The following RELN variants were observed in gnomAD, a reference collection of about 807,000 sequenced individuals.
The protein encoded by RELN is reelin.
Under a neutral mutation model 427.6 loss-of-function variants are expected in RELN, and 108 were observed. The observed-to-expected ratio is 0.25, with a 90% CI of 0.22 to 0.30. The LOEUF is 0.30. Among genes scored for constraint, RELN ranks in the 10% least tolerant of loss-of-function variants. RELN has a pLI of 1.00. For missense variants in RELN, 3,715 were observed against 4,302.8 expected, an observed-to-expected ratio of 0.86 and a Z score of 3.82; for synonymous variants, 1,524 against 1,513.4, an observed-to-expected ratio of 1.01 and a Z score of -0.16.
chr7:103,576,575 G>A (rs1831007522), intron 28 of RELN, among the ~76,000 whole-genome samples: 1 of 152,164 alleles, frequency 6.6e-6, no homozygotes, highest in East Asian at 1.9e-4. Context: ...ATGGATATCT[G>A]CAGAAGAGGC....
At chr7:103,891,884 T>G (rs1213026154) in intron 2 of RELN, among the ~76,000 whole-genome samples, 1 of 152,146 alleles carries the variant, frequency 6.6e-6, no homozygotes, top group East Asian at 1.9e-4. Context: ...GGACACTTTC[T>G]TTCCAGCATT....
chr7:103,875,653 T>A (rs1316266101), intron 2 of RELN, among the ~76,000 whole-genome samples: 1 of 152,114 alleles, frequency 6.6e-6, no homozygotes, highest in Non-Finnish European at 1.5e-5. Flanking sequence ...TACGACTTAC[T>A]TCTTAAATGA....
At chr7:103,886,449 GT>G (rs1437346652) in intron 2 of RELN, among the ~76,000 whole-genome samples, 1 of 152,156 alleles carries the variant, frequency 6.6e-6, no homozygotes, top group Non-Finnish European at 1.5e-5. Flanking sequence ...TTGTGATTCT[GT>G]ACTAACAAAA....
chr7:103,862,790 T>C (rs1172582562), intron 2 of RELN, among the ~76,000 whole-genome samples: 1 of 152,254 alleles, frequency 6.6e-6, no homozygotes, highest in East Asian at 1.9e-4. Context: ...GACACTGTCT[T>C]CCAGCAGTTG....
intron 3 of RELN, among the ~76,000 whole-genome samples, chr7:103,818,557 CTTTTAA>C (rs1185813717): frequency 2.0e-5 from 3 of 152,112 alleles, no homozygotes; most frequent in Admixed American, 1.3e-4. Flanking sequence ...TACGTCTTAG[CTTTTAA>C]TTTTATCAGG....
chr7:103,687,560 T>A (rs1833788776), intron 10 of RELN, among the ~76,000 whole-genome samples: 1 of 138,072 alleles, frequency 7.2e-6, no homozygotes, highest in South Asian at 2.1e-4. Flanking sequence ...TCCCTCCTGA[T>A]TTTTTTCCCC....
chr7:103,902,457 A>T (rs1465462671), intron 2 of RELN, among the ~76,000 whole-genome samples: 1 of 152,092 alleles, frequency 6.6e-6, no homozygotes, highest in Non-Finnish European at 1.5e-5. Context: ...ACTTTTCTGA[A>T]AGAGAACCGG....
At chr7:103,777,674 C>G (rs1384025567) in intron 3 of RELN, among the ~76,000 whole-genome samples, 1 of 152,122 alleles carries the variant, frequency 6.6e-6, no homozygotes, top group African/African-American at 2.4e-5. Context: ...CCCAACATTC[C>G]TTGCTCTGGC....
chr7:103,554,639 C>T (rs569399821), intron 38 of RELN, among the ~76,000 whole-genome samples: 1 of 151,640 alleles, frequency 6.6e-6, no homozygotes, highest in East Asian at 1.9e-4. Flanking sequence ...CATGGAACTG[C>T]CTTGCTAATT....
At chr7:103,642,540 T>G (rs530192156) in intron 16 of RELN, among the ~76,000 whole-genome samples, 1 of 152,164 alleles carries the variant, frequency 6.6e-6, no homozygotes, top group South Asian at 2.1e-4. Context: ...CCATGTGCAT[T>G]CCATATATCT....
At chr7:103,687,003 G>T (rs888007686) in intron 10 of RELN, among the ~76,000 whole-genome samples, 1 of 152,084 alleles carries the variant, frequency 6.6e-6, no homozygotes, top group Non-Finnish European at 1.5e-5. Flanking sequence ...TTCAACCATG[G>T]TGAGTGAATT....
At chr7:103,796,376 A>C (rs1423388325) in intron 3 of RELN, among the ~76,000 whole-genome samples, 1 of 152,194 alleles carries the variant, frequency 6.6e-6, no homozygotes, top group East Asian at 1.9e-4. Flanking sequence ...AAATTTCTGG[A>C]ATCTATCATC....
intron 28 of RELN, among the ~76,000 whole-genome samples, chr7:103,578,635 T>C (rs750634942): frequency 5.9e-5 from 9 of 152,200 alleles, no homozygotes; most frequent in Admixed American, 1.3e-4. Context: ...ATCTTGGGAT[T>C]GAACACAATT....
intron 64 of RELN, among the ~76,000 whole-genome samples, chr7:103,477,951 G>C (rs1452219789): frequency 6.6e-6 from 1 of 152,160 alleles, no homozygotes; most frequent in African/African-American, 2.4e-5. Flanking sequence ...TGCATCTTCA[G>C]CATAGTAGGT....
rs1831715770 is a variant in RELN at position 103,603,149 on chromosome 7, A to G, written c.3333+155T>C. ...ATAAAAAGAACAACAAGAATTTCCCAAGACATAGCTAAGGAATAGGAATTT... is the reference window on the plus strand; with the variant it reads ...ATAAAAAGAACAACAAGAATTTCCCGAGACATAGCTAAGGAATAGGAATTT... On this transcript the variant is annotated intron_variant, in intron 24 of 64. Transcript: ENST00000428762. This position sits in a 1 kb window ranked among gnomAD's most constrained non-coding sequence, Gnocchi z 4.3. Among the ~76,000 whole-genome samples the G allele has an allele frequency of 6.6e-6, 1 of 152,210 alleles. No homozygotes were observed. Among genetic ancestry groups the G allele is most frequent in the Non-Finnish European group, 1.5e-5 (1 of 68,038 alleles).
intron 3 of RELN, among the ~76,000 whole-genome samples, chr7:103,779,520 A>G (rs901266261): frequency 6.6e-6 from 1 of 152,108 alleles, no homozygotes; most frequent in Non-Finnish European, 1.5e-5. Context: ...ACTCTTATCC[A>G]TTTTTCCTCG....
rs1490636634 is a variant in RELN, at chr7:103,661,373, T to C, written c.1441+3A>G. The C allele has an allele frequency of 6.2e-7, 1 of 1,613,756 alleles. No individual in the cohort carries two copies. The highest frequency in any genetic ancestry group is 1.7e-5 in the Admixed American group (1 of 60,004). On this transcript the variant is annotated splice_donor_region_variant and intron_variant, in intron 12 of 64. Coordinates refer to ENST00000428762, the MANE Select transcript of RELN (RefSeq NM_005045.4). ...TGAACAAAGTTTGTGAAAATGTACT[T>C]ACCCATCACAAAGTAAAACCTCAGG...
At chr7:103,519,860 A>T (rs941326657) in intron 48 of RELN, among the ~76,000 whole-genome samples, 2 of 151,884 alleles carry the variant, frequency 1.3e-5, no homozygotes, top group Non-Finnish European at 2.9e-5. Context: ...CATTCTTTTA[A>T]TATTTATTTT....
intron 1 of RELN, among the ~76,000 whole-genome samples, chr7:103,979,763 T>A (rs1033513417): frequency 3.3e-5 from 5 of 152,226 alleles, no homozygotes; most frequent in Non-Finnish European, 5.9e-5. Context: ...TGAACTTCAA[T>A]AAATATCTTT....
Sources: gnomAD v4.1 joint callset for allele counts (sites outside exome capture counted in the v4.1 genomes callset) on GRCh38, gnomAD v4.1.1 for gene constraint, Gnocchi (gnomAD v3.1) non-coding constraint, MANE v1.5 for transcripts, NCBI Gene and HGNC (gene_info 2026-07-23, HGNC 2026-07-21) for gene names.